Variants in RGS6 observed in about 807,000 individuals in gnomAD.
RGS6 encodes the protein regulator of G protein signaling 6.
Under a neutral mutation model 78.5 loss-of-function variants are expected in RGS6, and 30 were observed. The ratio of observed to expected loss-of-function variants is 0.38; its 90% CI spans 0.29 to 0.52. RGS6 has a LOEUF of 0.52. Among genes scored for constraint, RGS6 ranks in the 20% least tolerant of loss-of-function variants. RGS6 has a pLI of 0.85. For synonymous variants in RGS6, 206 were observed against 206.0 expected (o/e 1.00, Z 0.00); for missense variants, 495 against 609.7 (o/e 0.81, Z 1.98).
chr14:72,234,975 A>T (rs559701162), intron 2 of RGS6, among the ~76,000 whole-genome samples: 1 of 152,156 alleles, frequency 6.6e-6, no homozygotes, highest in African/African-American at 2.4e-5. Flanking sequence ...CTCAGAGACG[A>T]TATTCTTGTC....
At chr14:72,359,242 A>T (rs1312866475) in intron 3 of RGS6, among the ~76,000 whole-genome samples, 1 of 152,164 alleles carries the variant, frequency 6.6e-6, no homozygotes, top group African/African-American at 2.4e-5. Flanking sequence ...AACAGATATT[A>T]TTAGCGGATA....
chr14:72,181,011 C>G (rs1488646219), intron 2 of RGS6, among the ~76,000 whole-genome samples: 1 of 152,142 alleles, frequency 6.6e-6, no homozygotes. Flanking sequence ...TATTATAACT[C>G]TCTCCTTCTA....
chr14:72,348,740 A>G (rs2078533518), intron 2 of RGS6, among the ~76,000 whole-genome samples: 2 of 152,258 alleles, frequency 1.3e-5, no homozygotes, highest in African/African-American at 4.8e-5. Flanking sequence ...CCCCAATTCT[A>G]AGAGTCACTG....
At chr14:72,397,140 A>C (rs1275788145) in intron 3 of RGS6, among the ~76,000 whole-genome samples, 2 of 152,092 alleles carry the variant, frequency 1.3e-5, no homozygotes, top group South Asian at 2.1e-4. Flanking sequence ...CTTGGGCATA[A>C]ATTACCTTGG....
chr14:72,276,538 C>A (rs1314700492), intron 2 of RGS6, among the ~76,000 whole-genome samples: 2 of 152,164 alleles, frequency 1.3e-5, no homozygotes, highest in Non-Finnish European at 2.9e-5. Flanking sequence ...CAACTCTCAT[C>A]TTGAATTGTA....
intron 1 of RGS6, among the ~76,000 whole-genome samples, chr14:71,957,384 G>A (rs1376316845): frequency 6.6e-6 from 1 of 152,192 alleles, no homozygotes; most frequent in Non-Finnish European, 1.5e-5. Flanking sequence ...TGGAGAGCCA[G>A]GAGGCTGCCT....
intron 14 of RGS6, among the ~76,000 whole-genome samples, chr14:72,512,835 T>C (rs901535835): frequency 6.6e-6 from 1 of 152,230 alleles, no homozygotes; most frequent in African/African-American, 2.4e-5. Flanking sequence ...CAGCTGCAGA[T>C]ATCATCTTAG....
intron 12 of RGS6, among the ~76,000 whole-genome samples, chr14:72,486,064 T>A (rs148013884): frequency 6.6e-6 from 1 of 150,492 alleles, no homozygotes; most frequent in Non-Finnish European, 1.5e-5. Flanking sequence ...CTCATGATAG[T>A]AAGTTCTCAT....
intron 16 of RGS6, chr14:72,537,573 G>A (rs1295738586): frequency 4.3e-6 from 3 of 702,234 alleles, no homozygotes; most frequent in Admixed American, 2.0e-5. Context: ...TTCCCCTGCT[G>A]GAGGATGCCA....
chr14:72,035,580 G>A (rs2091578384), intron 2 of RGS6, among the ~76,000 whole-genome samples: 1 of 151,828 alleles, frequency 6.6e-6, no homozygotes, highest in Admixed American at 6.6e-5. Context: ...TTTCTTCCTT[G>A]TTAACGTAGG....
At chr14:71,877,213 T>C in the RGS6 span, among the ~76,000 whole-genome samples, 2 of 152,242 alleles carry the variant, frequency 1.3e-5, no homozygotes, top group Middle Eastern at 3.2e-3. Flanking sequence ...TGAATTTGAA[T>C]GTTGGCCTGC....
intron 2 of RGS6, among the ~76,000 whole-genome samples, chr14:72,111,785 G>A (rs960603455): frequency 7.2e-5 from 11 of 152,146 alleles, no homozygotes; most frequent in Admixed American, 1.3e-4. Context: ...CATTCAGTGC[G>A]CACTCAAAAG....
chr14:72,269,296 C>A (rs1036016740), intron 2 of RGS6, among the ~76,000 whole-genome samples: 1 of 152,202 alleles, frequency 6.6e-6, no homozygotes, highest in Non-Finnish European at 1.5e-5. Context: ...TTTTCCCATT[C>A]TTTGGGCAAT....
In RGS6 at chr14:72,406,634, G is replaced by A. The variant is rs545263318; in HGVS notation, c.185-47894G>A. On this transcript the variant is annotated intron_variant, in intron 3 of 17. Transcript: ENST00000553525. ...CCAGATTTCTCCTAAAGATGGGAAA[G>A]CTCCCTTTATAGAGCTGGAGTGCAA... is the stretch of plus-strand genomic sequence containing the variant. 5.3e-5 allele frequency among the ~76,000 whole-genome samples: 8 copies of A among 152,302 alleles called. No individual in the cohort carries two copies. In the South Asian group the frequency reaches 1.0e-3, roughly 20 times the overall value.
intron 15 of RGS6, among the ~76,000 whole-genome samples, chr14:72,535,236 C>T (rs1260044497): frequency 6.6e-6 from 1 of 152,092 alleles, no homozygotes; most frequent in African/African-American, 2.4e-5. Flanking sequence ...CCCTGGGAGC[C>T]GAGGAAAAGA....
chr14:72,333,769 A>G (rs575457005), intron 2 of RGS6, among the ~76,000 whole-genome samples: 1 of 152,080 alleles, frequency 6.6e-6, no homozygotes. Flanking sequence ...CTTTGTTGTC[A>G]TACTTCCCAA....
chr14:72,291,675 A>C (rs2063601775), intron 2 of RGS6, among the ~76,000 whole-genome samples: 1 of 152,218 alleles, frequency 6.6e-6, no homozygotes, highest in East Asian at 1.9e-4. Flanking sequence ...AGAGCAGAGT[A>C]GCATTTCTAA....
At chr14:72,313,683 A>G (rs2069246784) in intron 2 of RGS6, among the ~76,000 whole-genome samples, 2 of 152,234 alleles carry the variant, frequency 1.3e-5, no homozygotes, top group South Asian at 4.1e-4. Context: ...TTTCAAAGAT[A>G]ACCCAATAAA....
intron 2 of RGS6, among the ~76,000 whole-genome samples, chr14:72,155,327 A>G (rs574538029): frequency 6.6e-6 from 1 of 152,350 alleles, no homozygotes; most frequent in African/African-American, 2.4e-5. Context: ...TTAACATCAG[A>G]TAATTTCCTC....
Sources: gnomAD v4.1 joint callset for allele counts (sites outside exome capture counted in the v4.1 genomes callset) on GRCh38, gnomAD v4.1.1 for gene constraint, MANE v1.5 for transcripts, NCBI Gene and HGNC (gene_info 2026-07-23, HGNC 2026-07-21) for gene names.